DLG2: variants seen among roughly 807,000 people sequenced by gnomAD.
DLG2 encodes discs large MAGUK scaffold protein 2.
In DLG2, 45 loss-of-function variants were observed where a neutral mutation model predicts 132.5. That is an observed-to-expected ratio of 0.34 (90% CI 0.27 to 0.44). The LOEUF (loss-of-function observed/expected upper bound fraction) is 0.44. DLG2 is among the 20% of genes least tolerant of loss of function. The pLI is 1.00. For missense variants in DLG2, 1,045 were observed against 1,196.9 expected, an observed-to-expected ratio of 0.87 and a Z score of 1.87; for synonymous variants, 424 against 419.6, an observed-to-expected ratio of 1.01 and a Z score of -0.13.
At chr11:84,720,184 G>A in intron 6 of DLG2, 2 of 851,760 alleles carry the variant, frequency 2.3e-6, no homozygotes, top group Non-Finnish European at 2.8e-6. Flanking sequence ...GAGCAGAGCA[G>A]TCGCAGCTTC....
intron 10 of DLG2, among the ~76,000 whole-genome samples, chr11:84,097,529 A>G (rs1232121525): frequency 6.6e-6 from 1 of 152,132 alleles, no homozygotes; most frequent in African/African-American, 2.4e-5. Context: ...GTTAAGACCA[A>G]TAACTCTCCT....
intron 7 of DLG2, among the ~76,000 whole-genome samples, chr11:84,527,293 T>C (rs1344210689): frequency 6.6e-6 from 1 of 152,220 alleles, no homozygotes; most frequent in African/African-American, 2.4e-5. Flanking sequence ...TATTGTACTT[T>C]TGGCTAAAAC....
intron 3 of DLG2, among the ~76,000 whole-genome samples, chr11:85,483,290 G>GA (rs1463520023): frequency 6.6e-6 from 1 of 152,224 alleles, no homozygotes; most frequent in East Asian, 1.9e-4. Flanking sequence ...TACAGGCCAA[G>GA]AGAGAGTGAG....
At chr11:84,533,505 G>A (rs2154520609) in intron 7 of DLG2, among the ~76,000 whole-genome samples, 1 of 152,176 alleles carries the variant, frequency 6.6e-6, no homozygotes, top group Admixed American at 6.5e-5. Flanking sequence ...ATATTTTTAT[G>A]TATTGGTAGT....
At chr11:84,799,652 G>A (rs763589066) in intron 6 of DLG2, among the ~76,000 whole-genome samples, 2 of 151,992 alleles carry the variant, frequency 1.3e-5, no homozygotes, top group Admixed American at 6.6e-5. Context: ...TACGTCTAGA[G>A]GAAAGATAAT....
At chr11:84,035,542 G>A (rs2095841831) in intron 11 of DLG2, among the ~76,000 whole-genome samples, 1 of 152,188 alleles carries the variant, frequency 6.6e-6, no homozygotes, top group Non-Finnish European at 1.5e-5. Context: ...GAAAGCTAGT[G>A]TTATTGAAGG....
chr11:85,014,609 A>G (rs141695324), intron 6 of DLG2, among the ~76,000 whole-genome samples: 1 of 152,314 alleles, frequency 6.6e-6, no homozygotes, highest in East Asian at 1.9e-4. Flanking sequence ...CCCAGCAAGT[A>G]AAAGTACAGT....
intron 6 of DLG2, among the ~76,000 whole-genome samples, chr11:84,940,868 T>G (rs2154097345): frequency 6.6e-6 from 1 of 152,320 alleles, no homozygotes; most frequent in South Asian, 2.1e-4. Flanking sequence ...CTGGAATTAG[T>G]TTGAAGTCTT....
At chr11:84,591,305 C>T (rs961831063) in intron 6 of DLG2, among the ~76,000 whole-genome samples, 1 of 147,978 alleles carries the variant, frequency 6.8e-6, no homozygotes, top group African/African-American at 2.5e-5. Context: ...ATACAAAAGA[C>T]CATGCCTTGT....
At chr11:84,634,575 T>A (rs1425810637) in intron 6 of DLG2, among the ~76,000 whole-genome samples, 1 of 152,210 alleles carries the variant, frequency 6.6e-6, no homozygotes, top group African/African-American at 2.4e-5. Context: ...GTCACCTTCA[T>A]TTTTCTGTCC....
At chr11:84,794,741 G>T (rs2074334337) in intron 6 of DLG2, among the ~76,000 whole-genome samples, 2 of 152,240 alleles carry the variant, frequency 1.3e-5, no homozygotes. Flanking sequence ...AAGCCCAGGT[G>T]CTGTCACAAC....
intron 5 of DLG2, among the ~76,000 whole-genome samples, chr11:85,125,912 A>T (rs937221993): frequency 1.3e-5 from 2 of 152,168 alleles, no homozygotes; most frequent in Non-Finnish European, 2.9e-5. Flanking sequence ...CAAAATAATC[A>T]CACAAATCAG....
At chr11:84,828,030 A>T (rs1461384050) in intron 6 of DLG2, among the ~76,000 whole-genome samples, 1 of 151,860 alleles carries the variant, frequency 6.6e-6, no homozygotes, top group Non-Finnish European at 1.5e-5. Context: ...TCAGACATTT[A>T]AAATAAAATA....
chr11:83,625,203 T>A (rs931822635), intron 19 of DLG2, among the ~76,000 whole-genome samples: 4 of 152,124 alleles, frequency 2.6e-5, no homozygotes, highest in Non-Finnish European at 5.9e-5. Flanking sequence ...ACAGCCAACA[T>A]GTTGGGTCCA....
chr11:84,996,556 AT>A (rs922548916), intron 6 of DLG2, among the ~76,000 whole-genome samples: 2 of 152,042 alleles, frequency 1.3e-5, no homozygotes, highest in Non-Finnish European at 2.9e-5. Context: ...CAGAGACTGT[AT>A]TTTTTTGCTA....
chr11:85,198,588 GTTTATA>G (rs978258754), intron 4 of DLG2, among the ~76,000 whole-genome samples: 14 of 152,036 alleles, frequency 9.2e-5, no homozygotes, highest in Admixed American at 2.6e-4. Flanking sequence ...TGTGAAAAAT[GTTTATA>G]TTTAGTAACA....
rs2047930287 is a variant in DLG2, at chr11:84,930,206, A to G, written c.357+181455T>C. Reference sequence around the variant, plus strand: ...CAGAGTCTTTTTTCTGAATGCCTTCAACATGTATTATTTGTATTGCCCAAT... The same window carrying G: ...CAGAGTCTTTTTTCTGAATGCCTTCGACATGTATTATTTGTATTGCCCAAT... On this transcript the variant is annotated intron_variant, in intron 6 of 27. Coordinates refer to ENST00000376104, the MANE Select transcript of DLG2 (RefSeq NM_001142699.3). 2.0e-5 allele frequency among the ~76,000 whole-genome samples: 3 copies of G among 152,186 alleles called. No individual in the cohort carries two copies. In the South Asian group the frequency reaches 6.2e-4, roughly 32 times the overall value.
chr11:83,850,494 T>C (rs371427373), intron 16 of DLG2, among the ~76,000 whole-genome samples: 15 of 152,042 alleles, frequency 9.9e-5, no homozygotes, highest in Middle Eastern at 3.4e-3. Context: ...TGATTTGATA[T>C]AGAGAGATGG....
intron 3 of DLG2, among the ~76,000 whole-genome samples, chr11:85,580,576 T>C (rs916165546): frequency 1.3e-5 from 2 of 152,254 alleles, no homozygotes; most frequent in African/African-American, 2.4e-5. Context: ...ATTAATTTAT[T>C]TTTCCTGACA....
Sources: gnomAD v4.1 joint callset for allele counts (sites outside exome capture counted in the v4.1 genomes callset) on GRCh38, gnomAD v4.1.1 for gene constraint, MANE v1.5 for transcripts, NCBI Gene and HGNC (gene_info 2026-07-23, HGNC 2026-07-21) for gene names.